Variants in NBR1 observed in about 807,000 individuals in gnomAD.
NBR1 encodes the protein next to BRCA1 gene 1 protein.
A neutral mutation model predicts 115.5 loss-of-function variants in NBR1; 59 were observed. The observed-to-expected ratio is 0.51, with a 90% CI of 0.41 to 0.63. The LOEUF is 0.63. NBR1 is among the 30% of genes least tolerant of loss of function. NBR1 has a pLI of 0.00. For missense variants in NBR1, 1,043 were observed against 1,150.5 expected, an observed-to-expected ratio of 0.91 and a Z score of 1.35; for synonymous variants, 373 against 414.7, an observed-to-expected ratio of 0.90 and a Z score of 1.22.
intron 20 of NBR1, among the ~76,000 whole-genome samples, chr17:43,204,831 A>AAAAG (rs1304296747): frequency 6.7e-6 from 1 of 148,744 alleles, no homozygotes; most frequent in Non-Finnish European, 1.5e-5. Flanking sequence ...AAAAAAAAAA[A>AAAAG]GTATGATGGC....
At position 43,197,057 on chromosome 17, in the gene NBR1, G is replaced by A; in HGVS notation, c.1977G>A (p.Leu659=). The A allele has an allele frequency of 6.2e-7, 1 of 1,613,956 alleles. No individual in the cohort carries two copies. Among genetic ancestry groups the A allele is most frequent in the East Asian group, 2.2e-5 (1 of 44,870 alleles). Residue 659 remains leucine, a synonymous_variant, in exon 16 of 21, where the codon TTG becomes TTA. Coordinates refer to ENST00000590996, the MANE Select transcript of NBR1 (RefSeq NM_005899.5). ...VCETVIRSLT[L]DAAPDHNPPC... is the part of the protein sequence containing the mutation. ...AGACAGTAATCCGATCCCTTACCTT[G>A]GATGCTGCCCCAGACCACAACCCTC... is the stretch of plus-strand genomic sequence containing the variant.
At position 43,201,705 on chromosome 17, in the gene NBR1, C is replaced by T. The variant is rs763488103; in HGVS notation, c.2488C>T (p.His830Tyr). ...TGAAAGGAGCTCTCCTTGTGTACAT[C>T]ATCATGGTTCCCCAGGAGTGGATTT... ...SLPRSSPCVH[H>Y]HGSPGVDLPV... The change falls in exon 18 of 21, where the codon CAT becomes TAT. Residue 830 changes from histidine (H) to tyrosine (Y), a missense_variant. His to Tyr is a moderately conservative substitution (Grantham distance 83, BLOSUM62 2). Coordinates refer to ENST00000590996, the MANE Select transcript of NBR1 (RefSeq NM_005899.5). The T allele has an allele frequency of 1.1e-4, 172 of 1,605,036 alleles. No individual in the cohort carries two copies. The highest frequency in any genetic ancestry group is 1.4e-4 in the Non-Finnish European group (163 of 1,171,892).
intron 16 of NBR1, among the ~76,000 whole-genome samples, chr17:43,197,746 A>G (rs1222231525): frequency 6.6e-6 from 1 of 152,136 alleles, no homozygotes; most frequent in African/African-American, 2.4e-5. Flanking sequence ...CTTAGCAGAG[A>G]CCCCTATGGG....
At chr17:43,181,206 T>G (rs2056655277) in intron 5 of NBR1, among the ~76,000 whole-genome samples, 1 of 152,176 alleles carries the variant, frequency 6.6e-6, no homozygotes, top group African/African-American at 2.4e-5. Flanking sequence ...AAACCTGAAT[T>G]CCATTAGTTA....
chr17:43,186,680 C>T (rs2056810515), intron 6 of NBR1, among the ~76,000 whole-genome samples: 2 of 152,068 alleles, frequency 1.3e-5, no homozygotes, highest in African/African-American at 4.8e-5. Flanking sequence ...TCACCCCACC[C>T]CCTGACAGGC....
chr17:43,198,686 G>T (rs1442029145), intron 16 of NBR1, among the ~76,000 whole-genome samples: 5 of 151,424 alleles, frequency 3.3e-5, no homozygotes, highest in Non-Finnish European at 5.9e-5. Flanking sequence ...ATGTGGCCAG[G>T]TGCGGTGGCT....
Position 43,202,704 on chromosome 17 carries a change from C to T in NBR1, c.2613C>T (p.Asp871=), listed in dbSNP as rs1452145504. 1 of 1,572,710 alleles carries T rather than the reference C, an allele frequency of 6.4e-7. No individual in the cohort carries two copies. The highest frequency in any genetic ancestry group is 1.2e-5 in the South Asian group (1 of 85,534). Residue 871 remains aspartate, a synonymous_variant, in exon 19 of 21, where the codon GAC becomes GAT. Coordinates refer to ENST00000590996, the MANE Select transcript of NBR1 (RefSeq NM_005899.5). Reference sequence around the variant, plus strand: ...TAAACAGCAGACAGAAGAGCTATGACCACTCAAGGTAACAACCTTGTGCAG... The same window carrying T: ...TAAACAGCAGACAGAAGAGCTATGATCACTCAAGGTAACAACCTTGTGCAG... The part of the protein sequence containing the change: ...GLVNSRQKSY[D]HSRHHHGSSI...
intron 8 of NBR1, 170 bp downstream of exon 8, chr17:43,189,972 G>C: frequency 1.6e-6 from 1 of 624,762 alleles, no homozygotes; most frequent in Non-Finnish European, 2.8e-6. Flanking sequence ...TTTGTATGTT[G>C]TAACTATTCA....
intron 1 of NBR1, among the ~76,000 whole-genome samples, chr17:43,173,632 C>T (rs1396650332): frequency 6.6e-6 from 1 of 152,074 alleles, no homozygotes; most frequent in Non-Finnish European, 1.5e-5. Flanking sequence ...AAAGAACTTG[C>T]GTACACATTT....
Position 43,190,620 on chromosome 17 carries a change from C to T in NBR1, c.707C>T (p.Ser236Phe). ...GVRYQCSLCP[S>F]YNICEDCEAG... ...TTCTTTCCCCACAGCCTATGCCCAT[C>T]CTACAATATCTGTGAAGATTGTGAA... Residue 236 changes from serine to phenylalanine, a missense_variant, in exon 9 of 21, where the codon TCC becomes TTC. By Grantham distance (155) the Ser-to-Phe change is radical. Coordinates refer to ENST00000590996, the MANE Select transcript of NBR1 (RefSeq NM_005899.5). The T allele has an allele frequency of 6.3e-7, 1 of 1,586,582 alleles. No homozygotes were observed. Among genetic ancestry groups the T allele is most frequent in the South Asian group, 1.1e-5 (1 of 87,540 alleles).
At position 43,196,648 on chromosome 17, in the gene NBR1, A is replaced by G. The variant is rs2057075318; in HGVS notation, c.1861+57A>G. The G allele has an allele frequency of 4.7e-6, 6 of 1,268,220 alleles. No individual in the cohort carries two copies. In the East Asian group the frequency reaches 7.6e-5, roughly 16 times the overall value. The allele number at this position is 1,268,220 out of a possible 1,614,324, so 78.6% of individuals were successfully genotyped here. Reference sequence around the variant, plus strand: ...ATCCTCCCTTTCCATATCATACCCTATTTTACAGCTATCCCCTACTGACCC... The same window carrying G: ...ATCCTCCCTTTCCATATCATACCCTGTTTTACAGCTATCCCCTACTGACCC... On this transcript the variant is annotated intron_variant, in intron 15 of 20. Coordinates refer to ENST00000590996, the MANE Select transcript of NBR1 (RefSeq NM_005899.5).
intron 6 of NBR1, among the ~76,000 whole-genome samples, chr17:43,186,799 T>C (rs1005838639): frequency 2.0e-5 from 3 of 152,164 alleles, no homozygotes; most frequent in African/African-American, 7.2e-5. Flanking sequence ...GTTAGTTTGC[T>C]AAGAATGATG....
intron 18 of NBR1, 48 bp downstream of exon 18, chr17:43,201,828 T>C (rs552881264): frequency 4.6e-6 from 5 of 1,098,870 alleles, no homozygotes; most frequent in Non-Finnish European, 6.9e-6. Flanking sequence ...TCCTGTCTAA[T>C]GGAAACCAGG....
In NBR1 at chr17:43,196,931, G is replaced by A. The variant is rs1400503945; in HGVS notation, c.1862-11G>A. Reference sequence around the variant, plus strand: ...AACACCCAGTGCAGATAAGGTTCGTGTGTCTTTCAGATTCTATGGTGTCAG... The same window carrying A: ...AACACCCAGTGCAGATAAGGTTCGTATGTCTTTCAGATTCTATGGTGTCAG... On this transcript the variant is annotated splice_polypyrimidine_tract_variant and intron_variant, in intron 15 of 20. Coordinates refer to ENST00000590996, the MANE Select transcript of NBR1 (RefSeq NM_005899.5). 1 of 1,613,876 alleles carries A rather than the reference G, an allele frequency of 6.2e-7. No individual in the cohort carries two copies. Among genetic ancestry groups the A allele is most frequent in the East Asian group, 2.2e-5 (1 of 44,878 alleles).
intron 16 of NBR1, among the ~76,000 whole-genome samples, chr17:43,198,050 C>G: frequency 6.6e-6 from 1 of 151,790 alleles, no homozygotes; most frequent in East Asian, 1.9e-4. Flanking sequence ...TGCCTGTAAT[C>G]CCAGGTACTT....
Position 43,193,245 on chromosome 17 carries a change from G to A in NBR1, c.1225G>A (p.Asp409Asn). ...TACAGGAAATGTAAAGTGGAGTGCA[G>A]ACACAAAGGTAATTTTTCCCACAAA... ...KNTGNVKWSA[D>N]TKLKFMWGNL... Residue 409 changes from aspartate (D) to asparagine (N), a missense_variant, in exon 11 of 21, where the codon GAC (aspartate) becomes AAC (asparagine). Physicochemically the swap from Asp to Asn is conservative, Grantham distance 23. Transcript: ENST00000590996. The A allele has an allele frequency of 6.2e-7, 1 of 1,613,924 alleles. No individual in the cohort carries two copies. Among genetic ancestry groups the A allele is most frequent in the Non-Finnish European group, 8.5e-7 (1 of 1,179,856 alleles).
chr17:43,190,193 A>G lies in NBR1; in HGVS notation c.695+391A>G, dbSNP rs147439660. ...AGCCTCACCCTCCCAGGCTCAGACAATCCTCCCACTTCAGCCTGCCAAGTA... is the reference window on the plus strand; with the variant it reads ...AGCCTCACCCTCCCAGGCTCAGACAGTCCTCCCACTTCAGCCTGCCAAGTA... On this transcript the variant is annotated intron_variant, in intron 8 of 20. Transcript: ENST00000590996. The G allele has an allele frequency of 1.6e-4, 48 of 304,302 alleles. No homozygotes were observed. In the East Asian group the frequency reaches 2.7e-3, roughly 17 times the overall value. 18.9% of individuals were successfully genotyped at this position (304,302 alleles called of 1,614,324 possible). A position where few individuals can be genotyped will look rare whatever the true frequency, so the allele number is the denominator to read the frequency against.
chr17:43,177,008 C>T (rs528112232), intron 2 of NBR1, among the ~76,000 whole-genome samples: 53 of 152,224 alleles, frequency 3.5e-4, no homozygotes, highest in African/African-American at 1.3e-3. Context: ...CAGTGGCACA[C>T]GCCTAGAATC....
chr17:43,209,122 G>C (rs2057369902), intron 20 of NBR1, among the ~76,000 whole-genome samples: 1 of 151,460 alleles, frequency 6.6e-6, no homozygotes, highest in Admixed American at 6.6e-5. Flanking sequence ...TGTCACCCAG[G>C]CTGGAGTGCA....
Sources: allele counts gnomAD v4.1 joint callset (sites outside exome capture counted in the v4.1 genomes callset), GRCh38; gene constraint gnomAD v4.1.1; transcripts MANE v1.5; gene names NCBI Gene and HGNC (gene_info 2026-07-23, HGNC 2026-07-21).